The following KCNK9 variants were observed in gnomAD, a reference collection of about 807,000 sequenced individuals.
KCNK9 encodes the protein potassium channel subfamily K member 9.
KCNK9 carries 1 observed loss-of-function variant against 10.8 expected under a neutral mutation model. The observed-to-expected ratio is 0.09, with a 90% confidence interval of 0.03 to 0.44. The LOEUF (loss-of-function observed/expected upper bound fraction) is 0.44, where lower values mean the gene tolerates loss of function less well. Among genes scored for constraint, KCNK9 ranks in the 20% least tolerant of loss-of-function variants. The probability of loss-of-function intolerance (pLI) is 0.97; values close to 1 mark genes in which losing one functional copy is unlikely to be tolerated. For synonymous variants in KCNK9, 231 were observed against 222.7 expected (o/e 1.04, Z -0.33); for missense variants, 303 against 515.0 (o/e 0.59, Z 3.98).
intron 1 of KCNK9, among the ~76,000 whole-genome samples, chr8:139,623,835 C>T (rs572551804): frequency 1.3e-5 from 2 of 152,164 alleles, no homozygotes; most frequent in Admixed American, 1.3e-4. Flanking sequence ...TCAGGAGGGA[C>T]ACACAGGGCA....
chr8:139,672,633 T>C (rs546334035), intron 1 of KCNK9, among the ~76,000 whole-genome samples: 1 of 152,302 alleles, frequency 6.6e-6, no homozygotes, highest in African/African-American at 2.4e-5. Flanking sequence ...AGGGACATGG[T>C]TGTGGGACAG....
downstream of KCNK9, among the ~76,000 whole-genome samples, chr8:139,610,848 G>A (rs551352013): frequency 1.3e-3 from 191 of 152,350 alleles, 1 homozygote; most frequent in African/African-American, 4.2e-3. Context: ...CTTGTGGAGG[G>A]CCTTGAGATT....
At chr8:139,687,374 A>ATATATATATT (rs1816815860) in intron 1 of KCNK9, among the ~76,000 whole-genome samples, 2 of 137,690 alleles carry the variant, frequency 1.5e-5, no homozygotes, top group African/African-American at 2.6e-5. Flanking sequence ...ATATGTGTAT[A>ATATATATATT]CATATATATG....
intron 2 of KCNK9, among the ~76,000 whole-genome samples, chr8:139,602,263 C>T (rs769848203): frequency 1.3e-5 from 2 of 152,196 alleles, no homozygotes; most frequent in South Asian, 2.1e-4. Flanking sequence ...CCTTGACGAT[C>T]GATCACAGGC....
intron 1 of KCNK9, among the ~76,000 whole-genome samples, chr8:139,646,039 C>G (rs1056243911): frequency 6.6e-6 from 1 of 152,192 alleles, no homozygotes; most frequent in Non-Finnish European, 1.5e-5. Context: ...CCCCAGGGTC[C>G]GTGCTCTCTG....
At chr8:139,660,494 G>A (rs952903188) in intron 1 of KCNK9, among the ~76,000 whole-genome samples, 16 of 150,656 alleles carry the variant, frequency 1.1e-4, no homozygotes, top group African/African-American at 3.9e-4. Flanking sequence ...GGTGGTGCAC[G>A]CCTATAATCC....
intron 1 of KCNK9, among the ~76,000 whole-genome samples, chr8:139,657,418 TC>T (rs983540263): frequency 5.8e-4 from 89 of 152,218 alleles, no homozygotes; most frequent in African/African-American, 2.0e-3. Flanking sequence ...CAGGTCAGGA[TC>T]AGGTCTCCCG....
intron 1 of KCNK9, among the ~76,000 whole-genome samples, chr8:139,646,766 G>A (rs974485460): frequency 1.3e-5 from 2 of 152,232 alleles, no homozygotes; most frequent in African/African-American, 4.8e-5. Flanking sequence ...CTAGCAAGAT[G>A]AAATAAGTCA....
At position 139,618,471 on chromosome 8, in the gene KCNK9, C is replaced by T. The variant is rs201403581; in HGVS notation, c.912G>A (p.Ser304=). ...CCACCGAGCGGCCGCCATAGTCCTG[C>T]GAGCGGTAGCAGGTGCAGGAGCACA... ...QSVCSCTCYR[S]QDYGGRSVAP... Residue 304 remains serine, a synonymous_variant, in exon 2 of 2, where the codon TCG becomes TCA. Transcript: ENST00000520439. The surrounding 1 kb of genome is among the most constrained non-coding windows in gnomAD (Gnocchi z 7.9). The T allele has an allele frequency of 4.3e-6, 7 of 1,613,964 alleles. No individual in the cohort carries two copies. In the East Asian group the frequency reaches 6.7e-5, roughly 15 times the overall value.
Position 139,647,769 on chromosome 8 carries a change from G to T in KCNK9, c.284-28670C>A, listed in dbSNP as rs201779570. On this transcript the variant is annotated intron_variant, in intron 1 of 1. Transcript: ENST00000520439. ...GCTTCCAGAGTTCTGAGCCCTAAGG[G>T]ACTTCACTTCCACCTTAAAAGGTCT... Among the ~76,000 whole-genome samples, 157 of 152,226 alleles carry T rather than the reference G, an allele frequency of 1.0e-3. 2 individuals carry two copies. In the East Asian group the frequency reaches 0.029, roughly 28 times the overall value.
At position 139,703,021 on chromosome 8, in the gene KCNK9, G is replaced by T. The variant is rs1237225123; in HGVS notation, c.-29C>A. 4 of 1,541,112 alleles carry T rather than the reference G, an allele frequency of 2.6e-6. No individual in the cohort carries two copies. Among genetic ancestry groups the T allele is most frequent in the Non-Finnish European group, 2.6e-6 (3 of 1,146,956 alleles). ...CGCCAGCAAGGAGCCGGCGCGGGGG[G>T]CATGTCCCGCAGGCTCACAGCCGCG... On this transcript the variant is annotated 5_prime_UTR_variant, in exon 1 of 2. Coordinates refer to ENST00000520439, the MANE Select transcript of KCNK9 (RefSeq NM_001282534.2). This position sits in a 1 kb window ranked among gnomAD's most constrained non-coding sequence, Gnocchi z 6.4.
Position 139,618,512 on chromosome 8 carries a change from G to C in KCNK9, c.871C>G (p.Pro291Ala). 1 of 1,613,634 alleles carries C rather than the reference G, an allele frequency of 6.2e-7. No individual in the cohort carries two copies. Among genetic ancestry groups the C allele is most frequent in the Non-Finnish European group, 8.5e-7 (1 of 1,180,008 alleles). The change falls in exon 2 of 2, where the codon CCG becomes GCG. Residue 291 changes from proline to alanine, a missense_variant. Transcript: ENST00000520439. This position sits in a 1 kb window ranked among gnomAD's most constrained non-coding sequence, Gnocchi z 7.9. The stretch of plus-strand genomic sequence containing the variant: ...CAGGAGCACACAGACTGCAGGTCCG[G>C]GACGTCCGCCTTGTACCTGGGCCGG... Reference protein sequence around the residue: ...PSRPRYKADVPDLQSVCSCTC... With the variant: ...PSRPRYKADVADLQSVCSCTC...
At chr8:139,683,594 T>A (rs976264496) in intron 1 of KCNK9, among the ~76,000 whole-genome samples, 1 of 152,158 alleles carries the variant, frequency 6.6e-6, no homozygotes, top group Non-Finnish European at 1.5e-5. Flanking sequence ...GGAAGCCAGG[T>A]CTGCCCGAGG....
At chr8:139,626,559 G>A (rs568227418) in intron 1 of KCNK9, among the ~76,000 whole-genome samples, 1 of 152,170 alleles carries the variant, frequency 6.6e-6, no homozygotes, top group Admixed American at 6.5e-5. Context: ...TCCCTCCCTG[G>A]GCCTCTTTCT....
At chr8:139,622,981 C>G (rs1472718145) in intron 1 of KCNK9, among the ~76,000 whole-genome samples, 2 of 152,202 alleles carry the variant, frequency 1.3e-5, no homozygotes, top group African/African-American at 2.4e-5. Context: ...ACAGCGCACC[C>G]ATATTCACCA....
rs185610381 is a variant in KCNK9, at chr8:139,638,768, C to T, written c.284-19669G>A. On this transcript the variant is annotated intron_variant, in intron 1 of 1. Transcript: ENST00000520439. ...TCCTTACAAATCAGCTGGCTCAGCA[C>T]CCGCTGTGGGATGGCTTCCCTGGGA... Among the ~76,000 whole-genome samples, 322 of 152,330 alleles carry T rather than the reference C, an allele frequency of 2.1e-3. 6 individuals carry two copies. The South Asian group carries it at 0.023, about 11-fold the overall frequency.
At chr8:139,681,074 G>A (rs543723689) in intron 1 of KCNK9, among the ~76,000 whole-genome samples, 1 of 152,298 alleles carries the variant, frequency 6.6e-6, no homozygotes, top group Non-Finnish European at 1.5e-5. Flanking sequence ...CACAGAACAG[G>A]CAGATGAGAA....
downstream of KCNK9, among the ~76,000 whole-genome samples, chr8:139,614,271 G>T (rs1814514920): frequency 6.6e-6 from 1 of 152,186 alleles, no homozygotes; most frequent in African/African-American, 2.4e-5. Flanking sequence ...CACAGATAAG[G>T]AACAGGTGAG....
At position 139,633,381 on chromosome 8, in the gene KCNK9, C is replaced by G. The variant is rs3780061; in HGVS notation, c.284-14282G>C. Reference sequence around the variant, plus strand: ...GAATGCTGCCTGGCACATAGTCACTCAGTATCCTTGTTGGCCAAACGATGG... The same window carrying G: ...GAATGCTGCCTGGCACATAGTCACTGAGTATCCTTGTTGGCCAAACGATGG... On this transcript the variant is annotated intron_variant, in intron 1 of 1. Transcript: ENST00000520439. Among the ~76,000 whole-genome samples the G allele has an allele frequency of 1.1e-4, 17 of 152,262 alleles. No individual in the cohort carries two copies. The East Asian group carries it at 3.1e-3, about 28-fold the overall frequency.
Sources: gnomAD v4.1 joint callset for allele counts (sites outside exome capture counted in the v4.1 genomes callset) on GRCh38, gnomAD v4.1.1 for gene constraint, Gnocchi (gnomAD v3.1) non-coding constraint, MANE v1.5 for transcripts, NCBI Gene and HGNC (gene_info 2026-07-23, HGNC 2026-07-21) for gene names.